USP31: variants seen among roughly 807,000 people sequenced by gnomAD.
The protein encoded by USP31 is ubiquitin specific peptidase 31.
In USP31, 44 loss-of-function variants were observed where a neutral mutation model predicts 119.4. The ratio of observed to expected loss-of-function variants is 0.37; its 90% CI spans 0.29 to 0.47. USP31 has a LOEUF of 0.47. Ranked by LOEUF, USP31 falls within the 20% of genes least tolerant of loss-of-function variation. The probability of loss-of-function intolerance (pLI) is 0.99; values close to 1 mark genes in which losing one functional copy is unlikely to be tolerated. For missense variants in USP31, 1,643 were observed against 1,730.2 expected, an observed-to-expected ratio of 0.95 and a Z score of 0.89; for synonymous variants, 749 against 705.6, an observed-to-expected ratio of 1.06 and a Z score of -0.97.
chr16:23,075,600 C>T (rs1041678549), intron 13 of USP31, among the ~76,000 whole-genome samples: 5 of 152,136 alleles, frequency 3.3e-5, no homozygotes, highest in African/African-American at 7.2e-5. Context: ...CAATCTGATA[C>T]TGCCGTGATA....
rs1280316761 is a variant in USP31, at chr16:23,073,840, G to A, written c.2217C>T (p.Phe739=). The change falls in exon 14 of 16, where the codon TTC becomes TTT. Residue 739 remains phenylalanine, a synonymous_variant. Transcript: ENST00000219689. ...KNSVDGLWYC[F]DDSDVQQLSE... Reference sequence around the variant, plus strand: ...ACAGCTGCTGCACATCGCTGTCATCGAAGCAGTACCAGAGGCCGTCCACAG... The same window carrying A: ...ACAGCTGCTGCACATCGCTGTCATCAAAGCAGTACCAGAGGCCGTCCACAG... 6.2e-6 allele frequency: 10 copies of A among 1,614,042 alleles called. No homozygotes were observed. Among genetic ancestry groups the A allele is most frequent in the Admixed American group, 1.7e-5 (1 of 60,026 alleles).
chr16:23,114,383 T>C (rs1435842146), intron 1 of USP31, among the ~76,000 whole-genome samples: 1 of 150,570 alleles, frequency 6.6e-6, no homozygotes, highest in Non-Finnish European at 1.5e-5. Context: ...CCACACAAAC[T>C]GTCAGAAGTA....
intron 9 of USP31, among the ~76,000 whole-genome samples, chr16:23,086,799 C>T (rs148709942): frequency 6.4e-4 from 97 of 152,242 alleles, no homozygotes; most frequent in African/African-American, 2.1e-3. Flanking sequence ...CTGATTAGAA[C>T]GTTACTTTAC....
intron 2 of USP31, among the ~76,000 whole-genome samples, chr16:23,107,768 T>G (rs534388239): frequency 6.6e-6 from 1 of 152,198 alleles, no homozygotes; most frequent in African/African-American, 2.4e-5. Context: ...AACAGTTTAG[T>G]GAAATGGAAT....
chr16:23,089,581 G>C (rs1901261188), intron 7 of USP31, among the ~76,000 whole-genome samples: 1 of 152,094 alleles, frequency 6.6e-6, no homozygotes, highest in African/African-American at 2.4e-5. Context: ...ACTATGCAGG[G>C]AACTTATTTC....
intron 1 of USP31, among the ~76,000 whole-genome samples, chr16:23,147,168 G>T (rs1293636597): frequency 2.6e-5 from 4 of 152,188 alleles, no homozygotes; most frequent in Non-Finnish European, 5.9e-5. Flanking sequence ...GAGTGCAATG[G>T]CACGATCTCG....
intron 13 of USP31, among the ~76,000 whole-genome samples, chr16:23,078,244 G>A (rs1016092628): frequency 3.4e-4 from 52 of 151,018 alleles, no homozygotes; most frequent in African/African-American, 1.1e-3. Flanking sequence ...CCCGGGAGGC[G>A]GAGGTTACAG....
At chr16:23,073,982 C>A in intron 13 of USP31, 102 bp from the exon 14 acceptor site, 1 of 1,505,750 alleles carries the variant, frequency 6.6e-7, no homozygotes, top group African/African-American at 1.4e-5. Context: ...AACTCAAGAA[C>A]GTTTTAAGGC....
intron 1 of USP31, among the ~76,000 whole-genome samples, chr16:23,129,794 G>A (rs1402784038): frequency 6.6e-6 from 1 of 152,138 alleles, no homozygotes; most frequent in African/African-American, 2.4e-5. Context: ...AAGCCATAAC[G>A]TCCAACTACA....
At chr16:23,072,614 A>C (rs992731568) in intron 14 of USP31, 19 of 461,310 alleles carry the variant, frequency 4.1e-5, no homozygotes, top group Admixed American at 1.1e-4. Flanking sequence ...ATGCGGCAGT[A>C]TACTCTTTTT....
rs1250645100 is a variant in USP31, at chr16:23,066,026, ATGGGGCTGTGATGTGC to A, written c.*2004_*2019del. 6.6e-6 allele frequency: 1 copy of A among 152,218 alleles called. No homozygotes were observed. The highest frequency in any genetic ancestry group is 1.5e-5 in the Non-Finnish European group (1 of 68,034). 9.4% of individuals were successfully genotyped at this position (152,218 alleles called of 1,614,324 possible). A position where few individuals can be genotyped will look rare whatever the true frequency, so the allele number is the denominator to read the frequency against. ...AAACGAGAGCGGTGGCTACACACTG[ATGGGGCTGTGATGTGC>A]TGGGCTGAACGCAATGACAGCATCG... On this transcript the variant is annotated 3_prime_UTR_variant, in exon 16 of 16. Coordinates refer to ENST00000219689, the MANE Select transcript of USP31 (RefSeq NM_020718.4).
chr16:23,074,299 T>G (rs917511984), intron 13 of USP31, among the ~76,000 whole-genome samples: 1 of 152,262 alleles, frequency 6.6e-6, no homozygotes, highest in Admixed American at 6.5e-5. Context: ...GACAGCCCCC[T>G]GCAAGACAAA....
chr16:23,149,251 G>A lies in USP31; in HGVS notation c.20C>T (p.Pro7Leu), dbSNP rs1288347615. MSKVTA[P>L]GSGPPAAASG... ...CGCCGCCGCCGGCGGCCCGGACCCA[G>A]GCGCCGTTACCTTGGACATGGCGGC... Residue 7 changes from proline to leucine, a missense_variant, in exon 1 of 16, where the codon CCT (proline) becomes CTT (leucine). Physicochemically the swap from Pro to Leu is moderately conservative, Grantham distance 98. Transcript: ENST00000219689. The A allele has an allele frequency of 2.7e-6, 3 of 1,111,506 alleles. No homozygotes were observed. The highest frequency in any genetic ancestry group is 1.7e-5 in the African/African-American group (1 of 59,446). 68.9% of individuals were successfully genotyped at this position (1,111,506 alleles called of 1,614,324 possible).
intron 1 of USP31, among the ~76,000 whole-genome samples, chr16:23,120,444 A>T (rs71378499): frequency 0.17 from 25,302 of 152,242 alleles, 2,614 homozygotes; most frequent in Admixed American, 0.26. Context: ...GCTTTAAACG[A>T]AAGTTTTCCA....
intron 1 of USP31, among the ~76,000 whole-genome samples, chr16:23,134,674 T>TA (rs371982166): frequency 0.024 from 2,074 of 86,846 alleles, 25 homozygotes; most frequent in Middle Eastern, 0.053. Flanking sequence ...GAAACAAAGC[T>TA]AAAAAAAAAA....
rs555072148 is a variant in USP31 at position 23,141,724 on chromosome 16, C to T, written c.633+6914G>A. ...TTTACCAGTGTTTATTGAATAATAT[C>T]TGCCTCCTCTGTGGCAATAAAAGTT... On this transcript the variant is annotated intron_variant, in intron 1 of 15. Coordinates refer to ENST00000219689, the MANE Select transcript of USP31 (RefSeq NM_020718.4). 1.8e-3 allele frequency among the ~76,000 whole-genome samples: 274 copies of T among 152,310 alleles called. 2 individuals are homozygous for T. Among genetic ancestry groups the T allele is most frequent in the Middle Eastern group, 0.01 (3 of 294 alleles).
intron 13 of USP31, 76 bp from the exon 14 acceptor site, chr16:23,073,956 T>TTTGGCTC (rs1900454409): frequency 6.3e-7 from 1 of 1,596,750 alleles, no homozygotes; most frequent in Non-Finnish European, 8.6e-7. Context: ...ACACCATCTC[T>TTTGGCTC]TTGGCTCATC....
chr16:23,078,079 C>A (rs1001512062), intron 13 of USP31, among the ~76,000 whole-genome samples: 3 of 151,954 alleles, frequency 2.0e-5, no homozygotes, highest in Non-Finnish European at 2.9e-5. Flanking sequence ...TTTGGGAGGC[C>A]AAGGAGGGCA....
intron 6 of USP31, among the ~76,000 whole-genome samples, chr16:23,092,168 A>G (rs1255694065): frequency 6.6e-6 from 1 of 152,190 alleles, no homozygotes; most frequent in African/African-American, 2.4e-5. Context: ...GCCTCATTAT[A>G]TATTGAATAA....
Sources: allele counts gnomAD v4.1 joint callset (sites outside exome capture counted in the v4.1 genomes callset), GRCh38; gene constraint gnomAD v4.1.1; transcripts MANE v1.5; gene names NCBI Gene and HGNC (gene_info 2026-07-23, HGNC 2026-07-21).